Variants in KNTC1 observed in about 807,000 individuals in gnomAD.
The protein encoded by KNTC1 is kinetochore associated 1.
In KNTC1, 253 loss-of-function variants were observed where a neutral mutation model predicts 314.4. The ratio of observed to expected loss-of-function variants is 0.80; its 90% CI spans 0.73 to 0.89. The LOEUF is 0.89. Ranked by LOEUF, KNTC1 falls within the 40% of genes least tolerant of loss-of-function variation. The probability of loss-of-function intolerance (pLI) is 0.00; values close to 1 mark genes in which losing one functional copy is unlikely to be tolerated. For missense variants in KNTC1, 2,475 were observed against 2,572.9 expected (o/e 0.96, Z 0.82); for synonymous variants, 901 against 901.4 (o/e 1.00, Z 0.01).
intron 20 of KNTC1, 71 bp downstream of exon 20, chr12:122,562,770 G>A: frequency 2.2e-6 from 2 of 902,472 alleles, no homozygotes; most frequent in Non-Finnish European, 1.8e-6. Context: ...AGCACTTTGG[G>A]AGGCTGAGGT....
intron 48 of KNTC1, among the ~76,000 whole-genome samples, chr12:122,603,453 G>A (rs1176531473): frequency 6.6e-6 from 1 of 151,922 alleles, no homozygotes; most frequent in African/African-American, 2.4e-5. Context: ...TGTGACCTTT[G>A]CTAGGAATAG....
intron 52 of KNTC1, 86 bp from the exon 53 acceptor site, chr12:122,610,736 C>T (rs948580620): frequency 2.7e-5 from 23 of 837,500 alleles, no homozygotes; most frequent in South Asian, 4.5e-5. Flanking sequence ...GTCTAATGAC[C>T]GTTCCATGGA....
intron 54 of KNTC1, 55 bp downstream of exon 54, chr12:122,613,285 A>G: frequency 1.7e-6 from 2 of 1,200,820 alleles, no homozygotes; most frequent in Non-Finnish European, 2.4e-6. Context: ...CATTTTTTGG[A>G]GCTGTACCTT....
At chr12:122,549,960 AG>A in intron 13 of KNTC1, 96 bp downstream of exon 13, 1 of 669,200 alleles carries the variant, frequency 1.5e-6, no homozygotes, top group Non-Finnish European at 2.5e-6. Context: ...AATTAAGCTA[AG>A]CATTAGTGGA....
chr12:122,576,851 C>T, intron 29 of KNTC1, 44 bp from the exon 30 acceptor site: 1 of 1,452,636 alleles, frequency 6.9e-7, no homozygotes, highest in South Asian at 1.5e-5. Context: ...TCTTGGTTTT[C>T]TGTGAGTTCT....
rs762931614 is a variant in KNTC1 at position 122,569,770 on chromosome 12, A to G, written c.1806A>G (p.Pro602=). The part of the protein sequence containing the change: ...SASVSLQKLC[P]WFKNDVIPFV... ...CAGTCTCTTTGCAAAAGCTGTGTCC[A>G]TGGTTTAAAAATGATGTGATTCCAT... The change falls in exon 22 of 64, where the codon CCA becomes CCG. Residue 602 remains proline (P), a synonymous_variant. Coordinates refer to ENST00000333479, the MANE Select transcript of KNTC1 (RefSeq NM_014708.6). 15 of 1,613,792 alleles carry G rather than the reference A, an allele frequency of 9.3e-6. No homozygotes were observed. The highest frequency in any genetic ancestry group is 3.3e-5 in the Admixed American group (2 of 59,994).
At chr12:122,549,657 C>T (rs537608627) in intron 12 of KNTC1, 109 bp from the exon 13 acceptor site, 17 of 656,944 alleles carry the variant, frequency 2.6e-5, no homozygotes, top group Middle Eastern at 4.1e-4. Flanking sequence ...TGAGCCACCA[C>T]GCCCAGCCGC....
chr12:122,546,741 C>A, intron 10 of KNTC1, 67 bp downstream of exon 10: 1 of 1,061,362 alleles, frequency 9.4e-7, no homozygotes, highest in Non-Finnish European at 1.4e-6. Context: ...GTCAGACTTA[C>A]AAAGGCAAGG....
Position 122,622,476 on chromosome 12 carries a change from T to G in KNTC1, c.6384T>G (p.Ile2128Met), listed in dbSNP as rs893995810. Reference protein sequence around the residue: ...AGFSHQIRSLILNNIINKKEF... With the variant: ...AGFSHQIRSLMLNNIINKKEF... The stretch of plus-strand genomic sequence containing the variant: ...TCATTCTATAGATTAGAAGTCTGAT[T>G]TTGAATAATATCATCAATAAGAAGG... Residue 2128 changes from isoleucine (I) to methionine (M), a missense_variant, in exon 62 of 64, where the codon ATT becomes ATG. Ile to Met is a conservative substitution (Grantham distance 10). Transcript: ENST00000333479. 1.5e-5 allele frequency: 23 copies of G among 1,579,208 alleles called. No individual in the cohort carries two copies. The highest frequency in any genetic ancestry group is 1.9e-5 in the Non-Finnish European group (22 of 1,159,494).
chr12:122,552,518 C>A (rs1029347164), intron 16 of KNTC1, among the ~76,000 whole-genome samples: 2 of 152,112 alleles, frequency 1.3e-5, no homozygotes, highest in African/African-American at 4.8e-5. Context: ...TTGCATACCA[C>A]CATGCCCAAC....
Position 122,618,463 on chromosome 12 carries a change from T to TC in KNTC1, c.6086-19_6086-18insC. 6.2e-7 allele frequency: 1 copy of TC among 1,610,964 alleles called. No homozygotes were observed. ...TTGAGTGTGTGTATATCATGGTTGT[T>TC]TTTTTGTTTTGTTTTCAGCCTCTTG... is the stretch of plus-strand genomic sequence containing the variant. On this transcript the variant is annotated intron_variant, in intron 58 of 63. Transcript: ENST00000333479.
chr12:122,585,796 A>T, intron 37 of KNTC1, 22 bp downstream of exon 37: 1 of 1,609,640 alleles, frequency 6.2e-7, no homozygotes, highest in Non-Finnish European at 8.5e-7. Context: ...TTGTATCATT[A>T]TTTTCTATGT....
chr12:122,606,860 G>A (rs1337799263), intron 51 of KNTC1, among the ~76,000 whole-genome samples: 1 of 152,090 alleles, frequency 6.6e-6, no homozygotes, highest in African/African-American at 2.4e-5. Context: ...TTTTAAAGGT[G>A]TATTTCCCAA....
At chr12:122,540,379 C>G (rs777906932) in intron 5 of KNTC1, among the ~76,000 whole-genome samples, 2 of 152,042 alleles carry the variant, frequency 1.3e-5, no homozygotes, top group Admixed American at 1.3e-4. Context: ...ACCATGTTGG[C>G]TAGGCTGGTC....
intron 42 of KNTC1, among the ~76,000 whole-genome samples, chr12:122,592,634 G>T (rs922578796): frequency 4.6e-5 from 7 of 152,168 alleles, no homozygotes; most frequent in Admixed American, 6.5e-5. Context: ...TGGAGAACCT[G>T]TGTGTCAAAA....
chr12:122,561,643 A>G (rs556937114), intron 18 of KNTC1, among the ~76,000 whole-genome samples: 1 of 151,862 alleles, frequency 6.6e-6, no homozygotes, highest in African/African-American at 2.4e-5. Context: ...TAGTAGAGAC[A>G]GGGTTTCACC....
chr12:122,541,443 T>C (rs1962328172), intron 5 of KNTC1, among the ~76,000 whole-genome samples: 1 of 150,398 alleles, frequency 6.6e-6, no homozygotes, highest in African/African-American at 2.4e-5. Context: ...ACTACCCGGG[T>C]TCAAGCAATT....
chr12:122,538,813 T>C (rs924037445), intron 4 of KNTC1, among the ~76,000 whole-genome samples: 3 of 152,202 alleles, frequency 2.0e-5, no homozygotes, highest in Non-Finnish European at 2.9e-5. Context: ...TTTGTAGGCA[T>C]GTAGAGGCAG....
rs559477560 is a variant in KNTC1, at chr12:122,608,838, G to A, written c.5497-546G>A. 2.6e-5 allele frequency among the ~76,000 whole-genome samples: 4 copies of A among 152,222 alleles called. No individual in the cohort carries two copies. In the South Asian group the frequency reaches 8.3e-4, roughly 32 times the overall value. ...TTTGGGAGGCTGAGGTGGGAGGATT[G>A]TTTGAGGCGAGGGGTTTGAGACCAG... On this transcript the variant is annotated intron_variant, in intron 51 of 63. Transcript: ENST00000333479.
Sources: gnomAD v4.1 joint callset for allele counts (sites outside exome capture counted in the v4.1 genomes callset) on GRCh38, gnomAD v4.1.1 for gene constraint, MANE v1.5 for transcripts, NCBI Gene and HGNC (gene_info 2026-07-23, HGNC 2026-07-21) for gene names.